MDGA2: variants seen among roughly 807,000 people sequenced by gnomAD.
MDGA2 encodes the protein MAM domain-containing glycosylphosphatidylinositol anchor protein 2.
Under a neutral mutation model 117.8 loss-of-function variants are expected in MDGA2, and 40 were observed. That is an observed-to-expected ratio of 0.34 (90% CI 0.26 to 0.44). The LOEUF (loss-of-function observed/expected upper bound fraction) is 0.44. Among genes scored for constraint, MDGA2 ranks in the 20% least tolerant of loss-of-function variants. The pLI is 1.00. For synonymous variants in MDGA2, 452 were observed against 439.0 expected (o/e 1.03, Z -0.37); for missense variants, 1,123 against 1,250.6 (o/e 0.90, Z 1.54).
intron 1 of MDGA2, among the ~76,000 whole-genome samples, chr14:47,653,263 A>G (rs1897679133): frequency 6.6e-6 from 1 of 152,176 alleles, no homozygotes; most frequent in Non-Finnish European, 1.5e-5. Context: ...GATTTCATTC[A>G]TCCAGGAAAT....
intron 1 of MDGA2, among the ~76,000 whole-genome samples, chr14:47,399,935 T>C (rs1348973550): frequency 6.6e-6 from 1 of 152,062 alleles, no homozygotes; most frequent in Non-Finnish European, 1.5e-5. Context: ...ACTGAGAATA[T>C]ATAATTAAGC....
At chr14:46,928,947 T>C (rs1884434181) in intron 9 of MDGA2, among the ~76,000 whole-genome samples, 1 of 152,134 alleles carries the variant, frequency 6.6e-6, no homozygotes, top group South Asian at 2.1e-4. Flanking sequence ...CAGTAGAGGG[T>C]ACTGAACAAT....
intron 2 of MDGA2, among the ~76,000 whole-genome samples, chr14:47,232,397 T>C (rs536981809): frequency 6.6e-6 from 1 of 152,216 alleles, no homozygotes; most frequent in South Asian, 2.1e-4. Context: ...ATTCTGTATG[T>C]TATTCTTGCA....
At chr14:47,493,711 A>T (rs2138659137) in intron 1 of MDGA2, among the ~76,000 whole-genome samples, 1 of 152,222 alleles carries the variant, frequency 6.6e-6, no homozygotes, top group African/African-American at 2.4e-5. Context: ...ACTTTGGAGT[A>T]TTTTTCTCTC....
chr14:47,550,274 A>G (rs371678562), intron 1 of MDGA2, among the ~76,000 whole-genome samples: 9 of 152,356 alleles, frequency 5.9e-5, no homozygotes, highest in East Asian at 5.8e-4. Context: ...TCTAAACTAG[A>G]TATTTAAGGC....
At chr14:47,173,652 C>G (rs1242880773) in intron 3 of MDGA2, among the ~76,000 whole-genome samples, 3 of 152,044 alleles carry the variant, frequency 2.0e-5, no homozygotes, top group South Asian at 4.2e-4. Flanking sequence ...GAAGGAAGCA[C>G]TAAACATGGA....
intron 1 of MDGA2, among the ~76,000 whole-genome samples, chr14:47,527,840 C>T (rs1299372045): frequency 1.3e-5 from 2 of 152,072 alleles, no homozygotes; most frequent in African/African-American, 2.4e-5. Context: ...ACATCCACTA[C>T]CAATTATCCT....
chr14:47,433,082 T>C (rs1217297009), intron 1 of MDGA2, among the ~76,000 whole-genome samples: 1 of 152,072 alleles, frequency 6.6e-6, no homozygotes, highest in Non-Finnish European at 1.5e-5. Context: ...ATAACTGCCT[T>C]TTTAAAAGAG....
chr14:47,250,246 G>T (rs563419546), intron 2 of MDGA2, among the ~76,000 whole-genome samples: 2 of 152,324 alleles, frequency 1.3e-5, no homozygotes, highest in African/African-American at 4.8e-5. Flanking sequence ...AACTTTCAGG[G>T]AGCAGAATAC....
At chr14:47,259,183 A>AT (rs1420279854) in intron 2 of MDGA2, among the ~76,000 whole-genome samples, 6 of 151,958 alleles carry the variant, frequency 3.9e-5, no homozygotes, top group Non-Finnish European at 8.8e-5. Flanking sequence ...CAGTATGTGG[A>AT]TTTTTTTCTC....
chr14:47,448,613 G>C (rs1370715127), intron 1 of MDGA2, among the ~76,000 whole-genome samples: 1 of 152,108 alleles, frequency 6.6e-6, no homozygotes, highest in Non-Finnish European at 1.5e-5. Flanking sequence ...CAGGACAGAG[G>C]CTCACTTTTG....
intron 10 of MDGA2, among the ~76,000 whole-genome samples, chr14:46,894,244 T>C (rs890462879): frequency 2.0e-5 from 3 of 152,204 alleles, no homozygotes; most frequent in African/African-American, 4.8e-5. Context: ...GGTCATACAG[T>C]TGGTAAGAAG....
chr14:47,246,802 A>AACACACACACACACACACACACAC (rs34773547), intron 2 of MDGA2, among the ~76,000 whole-genome samples: 11 of 141,852 alleles, frequency 7.8e-5, no homozygotes, highest in East Asian at 6.3e-4. Context: ...CAGGTAATGA[A>AACACACACACACACACACACACAC]ACACACACAC....
chr14:47,299,636 T>G (rs1476777011), intron 2 of MDGA2: 1 of 152,260 alleles, frequency 6.6e-6, no homozygotes, highest in Admixed American at 6.5e-5. Flanking sequence ...AAATTTTTGG[T>G]AACATTATTT....
intron 1 of MDGA2, among the ~76,000 whole-genome samples, chr14:47,338,051 G>A (rs923372614): frequency 2.6e-5 from 4 of 151,948 alleles, no homozygotes; most frequent in Admixed American, 1.3e-4. Flanking sequence ...GCAACAGAAC[G>A]ATTTTGTTCT....
intron 3 of MDGA2, among the ~76,000 whole-genome samples, chr14:47,206,918 A>G (rs1222272139): frequency 6.6e-6 from 1 of 152,010 alleles, no homozygotes; most frequent in Non-Finnish European, 1.5e-5. Context: ...TAGATAGATG[A>G]CTGACAGACC....
At chr14:47,153,519 C>T (rs1306548247) in intron 3 of MDGA2, among the ~76,000 whole-genome samples, 1 of 151,972 alleles carries the variant, frequency 6.6e-6, no homozygotes, top group South Asian at 2.1e-4. Context: ...GTTGACGCAG[C>T]TCCTCCAGTT....
chr14:47,131,008 A>G (rs1415100688), intron 5 of MDGA2, among the ~76,000 whole-genome samples: 2 of 152,046 alleles, frequency 1.3e-5, no homozygotes, highest in African/African-American at 2.4e-5. Flanking sequence ...CCTAGAACTT[A>G]AAGTATAATA....
intron 1 of MDGA2, among the ~76,000 whole-genome samples, chr14:47,629,904 C>CG (rs912849274): frequency 1.3e-5 from 2 of 151,880 alleles, no homozygotes; most frequent in Admixed American, 6.6e-5. Context: ...ATTCTAATTC[C>CG]GGGGGTCTGT....
Sources: allele counts gnomAD v4.1 joint callset (sites outside exome capture counted in the v4.1 genomes callset), GRCh38; gene constraint gnomAD v4.1.1; transcripts MANE v1.5; gene names NCBI Gene and HGNC (gene_info 2026-07-23, HGNC 2026-07-21).